NOL10: variants seen among roughly 807,000 people sequenced by gnomAD.
NOL10 encodes nucleolar protein 10.
In NOL10, 58 loss-of-function variants were observed where a neutral mutation model predicts 103.5. The observed-to-expected ratio is 0.56, with a 90% CI of 0.45 to 0.70. The LOEUF (loss-of-function observed/expected upper bound fraction) is 0.70. Among genes scored for constraint, NOL10 ranks in the 30% least tolerant of loss-of-function variants. The pLI, the probability that NOL10 is intolerant of heterozygous loss-of-function variation, is 0.00. For missense variants in NOL10, 763 were observed against 807.3 expected, an observed-to-expected ratio of 0.95 and a Z score of 0.67; for synonymous variants, 287 against 282.5, an observed-to-expected ratio of 1.02 and a Z score of -0.16.
chr2:10,603,022 G>T, intron 15 of NOL10, 56 bp downstream of exon 15: 1 of 1,386,880 alleles, frequency 7.2e-7, no homozygotes, highest in South Asian at 1.2e-5. Context: ...GTGAGGAAAT[G>T]GCCACAGACT....
intron 17 of NOL10, among the ~76,000 whole-genome samples, chr2:10,593,134 TTTTTTTTTC>T (rs755004185): frequency 1.3e-5 from 2 of 152,076 alleles, no homozygotes; most frequent in East Asian, 1.9e-4. Context: ...AATTAGTTTT[TTTTTTTTTC>T]TTTTTTTTCT....
chr2:10,681,741 C>T (rs1681775053), intron 3 of NOL10, among the ~76,000 whole-genome samples: 2 of 152,114 alleles, frequency 1.3e-5, no homozygotes, highest in Non-Finnish European at 2.9e-5. Context: ...TGGACTGATA[C>T]ATGAACAAAG....
chr2:10,604,212 A>C (rs1269009734), intron 14 of NOL10, among the ~76,000 whole-genome samples: 1 of 152,166 alleles, frequency 6.6e-6, no homozygotes, highest in Non-Finnish European at 1.5e-5. Context: ...GGTTCCTCAT[A>C]GGCCACCCAC....
chr2:10,572,127 G>A lies in NOL10; in HGVS notation c.2011C>T (p.Arg671Cys), dbSNP rs765299304. Residue 671 changes from arginine (R) to cysteine (C), a missense_variant, in exon 21 of 21, where the codon CGT becomes TGT. Transcript: ENST00000381685. ...KLHRQERKRL[R>C]RSAGHLKSRH... Reference sequence around the variant, plus strand: ...GACTTCAGGTGTCCGGCCGAACGACGGAGTCTTTTCCTTTCTTGTCGATGC... The same window carrying A: ...GACTTCAGGTGTCCGGCCGAACGACAGAGTCTTTTCCTTTCTTGTCGATGC... 2.2e-5 allele frequency: 35 copies of A among 1,613,838 alleles called. No individual in the cohort carries two copies. In the East Asian group the frequency reaches 2.2e-4, roughly 10 times the overall value.
intron 1 of NOL10, among the ~76,000 whole-genome samples, chr2:10,685,318 C>A (rs1009220767): frequency 2.6e-5 from 4 of 152,148 alleles, no homozygotes; most frequent in South Asian, 4.2e-4. Context: ...CATGGTGAAA[C>A]CCCGTCTCTA....
chr2:10,665,563 T>C (rs1680515391), intron 8 of NOL10, among the ~76,000 whole-genome samples: 1 of 152,214 alleles, frequency 6.6e-6, no homozygotes, highest in Non-Finnish European at 1.5e-5. Context: ...AGCCCAGTCT[T>C]TGAGCATCCC....
chr2:10,624,178 C>CT (rs764280554), intron 13 of NOL10, among the ~76,000 whole-genome samples: 3,836 of 140,054 alleles, frequency 0.027, 74 homozygotes, highest in Admixed American at 0.053. Context: ...TTTTTCTTTT[C>CT]TTTTTTTTTT....
At position 10,629,149 on chromosome 2, in the gene NOL10, T is replaced by G. The variant is rs568434886; in HGVS notation, c.1026+15171A>C. 2.2e-4 allele frequency among the ~76,000 whole-genome samples: 24 copies of G among 111,220 alleles called. No homozygotes were observed. The East Asian group carries it at 7.4e-3, about 34-fold the overall frequency. 73.0% of individuals were successfully genotyped at this position (111,220 alleles called of 152,430 possible). On this transcript the variant is annotated intron_variant, in intron 13 of 20. Transcript: ENST00000381685. ...ACCCCTCCACCTCCAGCCTCCAACATCTTGAAGGGCTTTTATTGAAACTGA... is the reference window on the plus strand; with the variant it reads ...ACCCCTCCACCTCCAGCCTCCAACAGCTTGAAGGGCTTTTATTGAAACTGA...
chr2:10,607,287 A>C lies in NOL10; in HGVS notation c.1051T>G (p.Cys351Gly). The part of the protein sequence containing the change: ...IPVLGPAPRW[C>G]SFLDNLTEEL... Reference sequence around the variant, plus strand: ...TCGGTCAAGTTGTCTAAGAAGGAACACCACCGAGGAGCAGGACCCAAAACC... The same window carrying C: ...TCGGTCAAGTTGTCTAAGAAGGAACCCCACCGAGGAGCAGGACCCAAAACC... The change falls in exon 14 of 21, where the codon TGT becomes GGT. Residue 351 changes from cysteine to glycine, a missense_variant. Transcript: ENST00000381685. 6.2e-7 allele frequency: 1 copy of C among 1,608,126 alleles called. No homozygotes were observed. Among genetic ancestry groups the C allele is most frequent in the Non-Finnish European group, 8.5e-7 (1 of 1,176,968 alleles).
At chr2:10,621,967 A>C in intron 13 of NOL10, 3 of 434,508 alleles carry the variant, frequency 6.9e-6, no homozygotes, top group Non-Finnish European at 9.5e-6. Context: ...TTTAAGTTAA[A>C]ATTAATTAAA....
intron 13 of NOL10, among the ~76,000 whole-genome samples, chr2:10,612,212 G>A (rs1225381020): frequency 6.6e-6 from 1 of 152,118 alleles, no homozygotes; most frequent in African/African-American, 2.4e-5. Context: ...AAAAATCACT[G>A]TGCTACATCC....
intron 13 of NOL10, chr2:10,622,057 C>T (rs1677177122): frequency 2.1e-6 from 1 of 471,072 alleles, no homozygotes; most frequent in South Asian, 1.5e-5. Context: ...ATGGCTACCA[C>T]ACAGGACACA....
intron 14 of NOL10, among the ~76,000 whole-genome samples, chr2:10,606,705 A>G (rs999524536): frequency 2.0e-5 from 3 of 152,114 alleles, no homozygotes; most frequent in African/African-American, 7.2e-5. Flanking sequence ...TGTGACCTTC[A>G]AACATAAAGT....
chr2:10,669,485 C>T (rs1680780431), intron 6 of NOL10, among the ~76,000 whole-genome samples: 1 of 124,736 alleles, frequency 8.0e-6, no homozygotes, highest in Non-Finnish European at 1.6e-5. Flanking sequence ...TATATATACA[C>T]ACACACACAC....
intron 13 of NOL10, among the ~76,000 whole-genome samples, chr2:10,609,256 A>AG (rs1676420993): frequency 6.6e-6 from 1 of 150,440 alleles, no homozygotes. Flanking sequence ...GCTTAAAAAA[A>AG]ACTAGGGAAG....
chr2:10,573,984 T>C (rs549772612), intron 20 of NOL10, among the ~76,000 whole-genome samples: 1 of 151,244 alleles, frequency 6.6e-6, no homozygotes, highest in Non-Finnish European at 1.5e-5. Context: ...AGAAATACTA[T>C]GTCAGTTCAG....
In NOL10 at chr2:10,663,049, G is replaced by C; in HGVS notation, c.592-5C>G. Reference sequence around the variant, plus strand: ...GTCCCAGCACTCCACTCTACCCTATGCAAATGAAAAACAATTTTAAATAAA... The same window carrying C: ...GTCCCAGCACTCCACTCTACCCTATCCAAATGAAAAACAATTTTAAATAAA... On this transcript the variant is annotated splice_polypyrimidine_tract_variant and splice_region_variant and intron_variant, in intron 8 of 20. Coordinates refer to ENST00000381685, the MANE Select transcript of NOL10 (RefSeq NM_024894.4). 1 of 1,612,028 alleles carries C rather than the reference G, an allele frequency of 6.2e-7. No homozygotes were observed. The highest frequency in any genetic ancestry group is 1.1e-5 in the South Asian group (1 of 90,948).
At position 10,655,424 on chromosome 2, in the gene NOL10, G is replaced by C. The variant is rs553492254; in HGVS notation, c.907-877C>G. Among the ~76,000 whole-genome samples the C allele has an allele frequency of 1.1e-3, 165 of 152,270 alleles. 1 individual carries two copies. The highest frequency in any genetic ancestry group is 3.9e-3 in the African/African-American group (161 of 41,534). On this transcript the variant is annotated intron_variant, in intron 11 of 20. Coordinates refer to ENST00000381685, the MANE Select transcript of NOL10 (RefSeq NM_024894.4). ...TCGAGGAGGATCAAGTGAGACAATG[G>C]ATATGAAATACAAAATGAAATCCTA...
Position 10,589,073 on chromosome 2 carries a change from T to C in NOL10, c.1814A>G (p.Lys605Arg), listed in dbSNP as rs772961320. 31 of 1,613,896 alleles carry C rather than the reference T, an allele frequency of 1.9e-5. No homozygotes were observed. Among genetic ancestry groups the C allele is most frequent in the Admixed American group, 3.3e-5 (2 of 60,004 alleles). Reference protein sequence around the residue: ...IKAGEEFRSFKDSATKQKLMN... With the variant: ...IKAGEEFRSFRDSATKQKLMN... The stretch of plus-strand genomic sequence containing the variant: ...CAGTTTCTGCTTTGTGGCAGAATCT[T>C]TGAAGCTTCTAAATTCTTCTCCTGC... The change falls in exon 19 of 21, where the codon AAA becomes AGA. Residue 605 changes from lysine (K) to arginine (R), a missense_variant. Coordinates refer to ENST00000381685, the MANE Select transcript of NOL10 (RefSeq NM_024894.4).
Sources: allele counts gnomAD v4.1 joint callset (sites outside exome capture counted in the v4.1 genomes callset), GRCh38; gene constraint gnomAD v4.1.1; transcripts MANE v1.5; gene names NCBI Gene and HGNC (gene_info 2026-07-23, HGNC 2026-07-21).